NFATC3: variants seen among roughly 807,000 people sequenced by gnomAD.
NFATC3 encodes nuclear factor of activated T-cells, cytoplasmic 3.
A neutral mutation model predicts 98.6 loss-of-function variants in NFATC3; 46 were observed. The ratio of observed to expected loss-of-function variants is 0.47; its 90% CI spans 0.37 to 0.60. The LOEUF (loss-of-function observed/expected upper bound fraction) is 0.60, where lower values mean the gene tolerates loss of function less well. Among genes scored for constraint, NFATC3 ranks in the 20% least tolerant of loss-of-function variants. The pLI is 0.00. For synonymous variants in NFATC3, 512 were observed against 472.2 expected (o/e 1.08, Z -1.09); for missense variants, 1,256 against 1,295.5 (o/e 0.97, Z 0.47).
rs375785083 is a variant in NFATC3, at chr16:68,158,015, C to T, written c.1548C>T (p.Ala516=). ...CTGCAAGCCAAGAGATAATAATTGC[C>T]AGTACAAAAGTTCTGGAAATTCCAC... ...VATASQEIII[A]STKVLEIPLL... Residue 516 remains alanine, a synonymous_variant, in exon 4 of 10, where the codon GCC becomes GCT. Coordinates refer to ENST00000346183, the MANE Select transcript of NFATC3 (RefSeq NM_173165.3). 12 of 1,613,678 alleles carry T rather than the reference C, an allele frequency of 7.4e-6. No individual in the cohort carries two copies. Among genetic ancestry groups the T allele is most frequent in the South Asian group, 1.1e-5 (1 of 91,022 alleles).
intron 3 of NFATC3, among the ~76,000 whole-genome samples, chr16:68,135,448 A>T: frequency 8.5e-6 from 1 of 117,814 alleles, no homozygotes; most frequent in Non-Finnish European, 1.7e-5. Flanking sequence ...ACACAGCGAG[A>T]CTCCGTCTCA....
intron 3 of NFATC3, among the ~76,000 whole-genome samples, chr16:68,136,031 C>G (rs1176739260): frequency 6.6e-6 from 1 of 151,962 alleles, no homozygotes; most frequent in Non-Finnish European, 1.5e-5. Flanking sequence ...TCATTGCACT[C>G]CAGCCTGGGC....
intron 9 of NFATC3, among the ~76,000 whole-genome samples, chr16:68,216,063 T>C (rs2041627456): frequency 6.6e-6 from 1 of 152,060 alleles, no homozygotes; most frequent in East Asian, 1.9e-4. Flanking sequence ...GAGAAGGATC[T>C]GGGGAGACAA....
At chr16:68,137,742 T>C (rs1598426759) in intron 3 of NFATC3, among the ~76,000 whole-genome samples, 1 of 151,602 alleles carries the variant, frequency 6.6e-6, no homozygotes, top group Non-Finnish European at 1.5e-5. Context: ...GCCTCCCGAG[T>C]AGCTGGGACT....
At chr16:68,205,270 C>T (rs2041097669) in intron 9 of NFATC3, among the ~76,000 whole-genome samples, 1 of 152,034 alleles carries the variant, frequency 6.6e-6, no homozygotes, top group Non-Finnish European at 1.5e-5. Context: ...GGAACGGAGA[C>T]AGGAGTTTGC....
chr16:68,098,343 A>G (rs1215860417), intron 1 of NFATC3, among the ~76,000 whole-genome samples: 2 of 137,190 alleles, frequency 1.5e-5, no homozygotes, highest in African/African-American at 2.9e-5. Flanking sequence ...CTCTGTCGCC[A>G]GGCTGGAGTG....
At chr16:68,114,231 C>G (rs2036143479) in intron 1 of NFATC3, among the ~76,000 whole-genome samples, 1 of 152,172 alleles carries the variant, frequency 6.6e-6, no homozygotes, top group Non-Finnish European at 1.5e-5. Context: ...TGTCGCTCTA[C>G]CCTGCTTTTC....
chr16:68,121,892 G>A (rs763494356), intron 1 of NFATC3, 95 bp from the exon 2 acceptor site: 7 of 1,387,372 alleles, frequency 5.0e-6, no homozygotes, highest in Non-Finnish European at 6.8e-6. Flanking sequence ...TCTCGAGATT[G>A]TTATTATTTA....
rs1355975994 is a variant in NFATC3, at chr16:68,208,345, A to G, written c.3106+16570A>G. Among the ~76,000 whole-genome samples the G allele has an allele frequency of 3.3e-5, 5 of 152,266 alleles. No individual in the cohort carries two copies. In the South Asian group the frequency reaches 8.3e-4, roughly 25 times the overall value. Reference sequence around the variant, plus strand: ...GCCACCATGCCCGGTCTAGTTTTCAATGTAGAAATCTTATGCCTCTTTGGT... The same window carrying G: ...GCCACCATGCCCGGTCTAGTTTTCAGTGTAGAAATCTTATGCCTCTTTGGT... On this transcript the variant is annotated intron_variant, in intron 9 of 9. Coordinates refer to ENST00000346183, the MANE Select transcript of NFATC3 (RefSeq NM_173165.3).
chr16:68,088,428 C>T (rs2034512019), intron 1 of NFATC3, among the ~76,000 whole-genome samples: 1 of 142,230 alleles, frequency 7.0e-6, no homozygotes, highest in Non-Finnish European at 1.5e-5. Context: ...ACATTATATA[C>T]TCATATACTA....
intron 9 of NFATC3, among the ~76,000 whole-genome samples, chr16:68,192,568 A>G (rs879895506): frequency 1.3e-5 from 2 of 151,918 alleles, no homozygotes; most frequent in African/African-American, 2.4e-5. Context: ...GTATTAAGAT[A>G]GAATTCTCGG....
chr16:68,205,232 T>C (rs147759820), intron 9 of NFATC3, among the ~76,000 whole-genome samples: 3 of 152,238 alleles, frequency 2.0e-5, no homozygotes, highest in African/African-American at 4.8e-5. Context: ...AATTTTAACA[T>C]TTTAAATGTG....
chr16:68,208,351 A>T (rs1456210189), intron 9 of NFATC3, among the ~76,000 whole-genome samples: 6 of 152,136 alleles, frequency 3.9e-5, no homozygotes. Flanking sequence ...TTCAATGTAG[A>T]AATCTTATGC....
chr16:68,105,692 T>A lies in NFATC3; in HGVS notation c.104-16295T>A, dbSNP rs115906196. ...GTGCTGTTAATTCTTGTCTAAGTGT[T>A]CATTAGAACTGACCAGTGAAGCCAT... On this transcript the variant is annotated intron_variant, in intron 1 of 9. Transcript: ENST00000346183. Among the ~76,000 whole-genome samples, 230 of 152,310 alleles carry A rather than the reference T, an allele frequency of 1.5e-3. 2 individuals are homozygous for A. Among genetic ancestry groups the A allele is most frequent in the African/African-American group, 5.2e-3 (216 of 41,578 alleles).
chr16:68,177,077 C>T (rs1263675969), intron 6 of NFATC3, among the ~76,000 whole-genome samples: 3 of 132,430 alleles, frequency 2.3e-5, no homozygotes, highest in Non-Finnish European at 4.8e-5. Context: ...GAGTTTCGCT[C>T]TTGTTTCCCA....
intron 9 of NFATC3, among the ~76,000 whole-genome samples, chr16:68,220,150 A>G (rs1013069572): frequency 6.6e-6 from 1 of 152,136 alleles, no homozygotes; most frequent in African/African-American, 2.4e-5. Flanking sequence ...AGATCCTGTG[A>G]CCTACATAAC....
chr16:68,103,051 G>C lies in NFATC3; in HGVS notation c.103+17267G>C, dbSNP rs532945062. Among the ~76,000 whole-genome samples the C allele has an allele frequency of 3.3e-5, 5 of 151,812 alleles. No individual in the cohort carries two copies. In the South Asian group the frequency reaches 1.0e-3, roughly 32 times the overall value. On this transcript the variant is annotated intron_variant, in intron 1 of 9. Coordinates refer to ENST00000346183, the MANE Select transcript of NFATC3 (RefSeq NM_173165.3). ...TGTGCTTTGTCCATTTTTTAATTCA[G>C]CTGTTTGACTTTTTGCTGTTCAGTT...
chr16:68,215,979 T>G (rs1382796005), intron 9 of NFATC3, among the ~76,000 whole-genome samples: 1 of 152,086 alleles, frequency 6.6e-6, no homozygotes, highest in East Asian at 1.9e-4. Flanking sequence ...CCGCCCACCT[T>G]GGCCTCCCAA....
chr16:68,085,820 C>T, intron 1 of NFATC3, 36 bp downstream of exon 1: 1 of 1,368,444 alleles, frequency 7.3e-7, no homozygotes. Flanking sequence ...TGGAGCGACC[C>T]CGCTTCTCGC....
Sources: allele counts gnomAD v4.1 joint callset (sites outside exome capture counted in the v4.1 genomes callset), GRCh38; gene constraint gnomAD v4.1.1; transcripts MANE v1.5; gene names NCBI Gene and HGNC (gene_info 2026-07-23, HGNC 2026-07-21).